CNKSR2: variants seen among roughly 807,000 people sequenced by gnomAD.
CNKSR2 encodes CNK homolog protein 2.
CNKSR2 carries 14 observed loss-of-function variants against 84.4 expected under a neutral mutation model. That is an observed-to-expected ratio of 0.17 (90% CI 0.11 to 0.26). CNKSR2 has a LOEUF of 0.26. CNKSR2 is among the 10% of genes least tolerant of loss of function. The pLI, the probability that CNKSR2 is intolerant of heterozygous loss-of-function variation, is 1.00. For missense variants in CNKSR2, 485 were observed against 771.2 expected (o/e 0.63, Z 4.40); for synonymous variants, 275 against 277.9 (o/e 0.99, Z 0.10).
Position 21,584,957 on chromosome X carries a change from G to A in CNKSR2, c.1609-5615G>A, listed in dbSNP as rs1178628909. On this transcript the variant is annotated intron_variant, in intron 13 of 21. Transcript: ENST00000379510. ...TCTGGCTCTTGTGCTAAAAATTAGA[G>A]GGGGCTGGTCTTAGTGGCTCACACC... 3.6e-5 allele frequency among the ~76,000 whole-genome samples: 4 copies of A among 110,544 alleles called. No individual in the cohort carries two copies. In the Admixed American group the frequency reaches 3.9e-4, roughly 11 times the overall value.
At chrX:21,406,862 G>A (rs1021832794) in intron 1 of CNKSR2, among the ~76,000 whole-genome samples, 1 of 111,840 alleles carries the variant, frequency 8.9e-6, no homozygotes, top group African/African-American at 3.2e-5. Context: ...CACTTTCCCT[G>A]TACATATTTA....
At chrX:21,440,858 C>T in intron 4 of CNKSR2, 77 bp downstream of exon 4, 1 of 584,253 alleles carries the variant, frequency 1.7e-6, no homozygotes, top group South Asian at 3.6e-5. Context: ...TCCTATGTAC[C>T]AAGAGTTTTT....
chrX:21,559,945 G>A lies in CNKSR2; in HGVS notation c.1304-1526G>A, dbSNP rs1052496187. On this transcript the variant is annotated intron_variant, in intron 11 of 21. Coordinates refer to ENST00000379510, the MANE Select transcript of CNKSR2 (RefSeq NM_014927.5). ...ACTGTATCAGTGTTCACAATAAAAA[G>A]CCATAAGATTGATACTTTTTCCTTA... Among the ~76,000 whole-genome samples the A allele has an allele frequency of 3.6e-5, 4 of 111,556 alleles. No homozygotes were observed. In the East Asian group the frequency reaches 1.1e-3, roughly 31 times the overall value.
At chrX:21,477,974 A>T (rs746996091) in intron 5 of CNKSR2, among the ~76,000 whole-genome samples, 19 of 111,824 alleles carry the variant, frequency 1.7e-4, no homozygotes, top group South Asian at 3.7e-4. Context: ...AAAAGCTATG[A>T]TCTTGATCCA....
chrX:21,440,618 T>C (rs1239406856), intron 3 of CNKSR2, 76 bp from the exon 4 acceptor site: 26 of 428,126 alleles, frequency 6.1e-5, no homozygotes, highest in Non-Finnish European at 9.5e-5. Flanking sequence ...ATTGATAAAC[T>C]CATTTTAGGC....
chrX:21,432,930 A>C (rs939036940), intron 3 of CNKSR2, 116 bp downstream of exon 3: 25 of 699,035 alleles, frequency 3.6e-5, no homozygotes, highest in Non-Finnish European at 5.4e-5. Flanking sequence ...CCAAGTAATA[A>C]ATGTCTAATG....
intron 18 of CNKSR2, among the ~76,000 whole-genome samples, chrX:21,605,065 ACAC>A (rs1457959772): frequency 8.9e-6 from 1 of 111,898 alleles, no homozygotes; most frequent in East Asian, 2.8e-4. Flanking sequence ...GCCCACACAC[ACAC>A]AACTCTGAAA....
intron 11 of CNKSR2, among the ~76,000 whole-genome samples, chrX:21,545,860 CA>C (rs1478692905): frequency 1.8e-5 from 2 of 112,122 alleles, no homozygotes; most frequent in Non-Finnish European, 3.8e-5. Flanking sequence ...AACTAACAAA[CA>C]GAAAGGAATA....
Position 21,609,973 on chromosome X carries a change from G to A in CNKSR2, c.2692+356G>A, listed in dbSNP as rs146952992. On this transcript the variant is annotated intron_variant, in intron 20 of 21. Coordinates refer to ENST00000379510, the MANE Select transcript of CNKSR2 (RefSeq NM_014927.5). ...CTGGCCCACAGTGGTTGCCCCCTGA[G>A]TTGGGTTAAGAAACTATAAATGTTT... Among the ~76,000 whole-genome samples the A allele has an allele frequency of 7.2e-3, 810 of 111,881 alleles. 9 individuals carry two copies. Among genetic ancestry groups the A allele is most frequent in the African/African-American group, 0.023 (708 of 30,790 alleles).
At chrX:21,558,469 A>C (rs2092158291) in intron 11 of CNKSR2, among the ~76,000 whole-genome samples, 1 of 110,574 alleles carries the variant, frequency 9.0e-6, no homozygotes, top group Admixed American at 9.6e-5. Context: ...AGTAAATTTC[A>C]GTAAAGCTTT....
At chrX:21,642,551 GATACACTGTA>G (rs1258709704) in intron 20 of CNKSR2, 1 of 736,730 alleles carries the variant, frequency 1.4e-6, no homozygotes, top group African/African-American at 2.3e-5. Flanking sequence ...AGTTGGATAA[GATACACTGTA>G]ATAATTTTAA....
At chrX:21,586,490 G>C (rs2092389287) in intron 13 of CNKSR2, among the ~76,000 whole-genome samples, 2 of 111,431 alleles carry the variant, frequency 1.8e-5, no homozygotes, top group Admixed American at 9.5e-5. Flanking sequence ...AAGACGCTTA[G>C]TTAAGAGGGA....
chrX:21,604,560 T>C (rs1314369648), intron 18 of CNKSR2, among the ~76,000 whole-genome samples: 4 of 111,611 alleles, frequency 3.6e-5, no homozygotes, highest in Non-Finnish European at 7.5e-5. Flanking sequence ...GAAGGAGCCT[T>C]CCAAAATCTG....
chrX:21,443,856 A>G (rs1411499569), intron 4 of CNKSR2, among the ~76,000 whole-genome samples: 4 of 111,505 alleles, frequency 3.6e-5, no homozygotes, highest in Non-Finnish European at 7.6e-5. Flanking sequence ...AAAAATTTTT[A>G]TTTTTGATGG....
intron 1 of CNKSR2, among the ~76,000 whole-genome samples, chrX:21,399,852 A>G (rs1054275201): frequency 8.9e-6 from 1 of 111,871 alleles, no homozygotes; most frequent in African/African-American, 3.2e-5. Context: ...TATTGGCTGT[A>G]TGAATTTTGG....
intron 20 of CNKSR2, chrX:21,642,771 C>T: frequency 1.4e-6 from 1 of 708,081 alleles, no homozygotes; most frequent in Non-Finnish European, 1.7e-6. Context: ...CTAAGTATGC[C>T]TGATAGTAAA....
chrX:21,551,612 AG>A (rs2092093288), intron 11 of CNKSR2, among the ~76,000 whole-genome samples: 1 of 111,980 alleles, frequency 8.9e-6, no homozygotes, highest in Admixed American at 9.4e-5. Flanking sequence ...ATTGTCCCCC[AG>A]GGGACATTTG....
At chrX:21,547,998 C>G (rs1180011668) in intron 11 of CNKSR2, among the ~76,000 whole-genome samples, 1 of 111,626 alleles carries the variant, frequency 9.0e-6, no homozygotes, top group Non-Finnish European at 1.9e-5. Flanking sequence ...AATCGACACC[C>G]TAACATGACA....
chrX:21,574,382 A>G (rs959694973), intron 13 of CNKSR2, among the ~76,000 whole-genome samples: 1 of 111,822 alleles, frequency 8.9e-6, no homozygotes, highest in Admixed American at 9.5e-5. Context: ...TCACACTGCT[A>G]ATAAAGACAT....
Sources: allele counts gnomAD v4.1 joint callset (sites outside exome capture counted in the v4.1 genomes callset), GRCh38; gene constraint gnomAD v4.1.1; transcripts MANE v1.5; gene names NCBI Gene and HGNC (gene_info 2026-07-23, HGNC 2026-07-21).